The following CDH9 variants were observed in gnomAD, a reference collection of about 807,000 sequenced individuals.
The protein encoded by CDH9 is cadherin-9.
In CDH9, 28 loss-of-function variants were observed where a neutral mutation model predicts 70.9. The ratio of observed to expected loss-of-function variants is 0.40; its 90% CI spans 0.29 to 0.54. The LOEUF (loss-of-function observed/expected upper bound fraction) is 0.54, where lower values mean the gene tolerates loss of function less well. CDH9 is among the 20% of genes least tolerant of loss of function. The pLI is 0.59. For synonymous variants in CDH9, 409 were observed against 343.1 expected (o/e 1.19, Z -2.12); for missense variants, 874 against 984.4 (o/e 0.89, Z 1.50).
At chr5:26,901,131 T>A (rs1740847806) in intron 7 of CDH9, among the ~76,000 whole-genome samples, 1 of 152,014 alleles carries the variant, frequency 6.6e-6, no homozygotes, top group Admixed American at 6.6e-5. Context: ...ATGAACATTT[T>A]AATTAAGCAT....
In CDH9 at chr5:27,028,594, G is replaced by A. The variant is rs188005123; in HGVS notation, c.-50+9869C>T. On this transcript the variant is annotated intron_variant, in intron 1 of 11. Coordinates refer to ENST00000231021, the MANE Select transcript of CDH9 (RefSeq NM_016279.4). ...GTCTTTTCCACAAAGTGTGGTATCT[G>A]TTTTGACGAGAGTGATTTTCACTAG... is the stretch of plus-strand genomic sequence containing the variant. 6.8e-4 allele frequency among the ~76,000 whole-genome samples: 103 copies of A among 152,084 alleles called. 1 individual carries two copies. The highest frequency in any genetic ancestry group is 2.4e-3 in the African/African-American group (100 of 41,530).
intron 1 of CDH9, among the ~76,000 whole-genome samples, chr5:26,997,794 G>A (rs1296278715): frequency 6.6e-6 from 1 of 150,678 alleles, no homozygotes; most frequent in Non-Finnish European, 1.5e-5. Flanking sequence ...CTGCCTCCTG[G>A]GTTCAAGCGA....
chr5:26,952,347 G>T (rs1329179327), intron 2 of CDH9, among the ~76,000 whole-genome samples: 1 of 144,956 alleles, frequency 6.9e-6, no homozygotes, highest in Non-Finnish European at 1.5e-5. Flanking sequence ...GGGCGTCTTG[G>T]CTCACGCCTG....
chr5:26,902,942 A>T (rs1740882666), intron 6 of CDH9: 1 of 446,738 alleles, frequency 2.2e-6, no homozygotes, highest in South Asian at 3.5e-5. Flanking sequence ...TGGCATACAC[A>T]TTGAGATTGA....
In CDH9 at chr5:27,026,676, G is replaced by T. The variant is rs188575054; in HGVS notation, c.-50+11787C>A. ...ATAGTAAAGTTTGAACAAACATTTGGTGCTAATGCTTGACTATAGAAAAAA... is the reference window on the plus strand; with the variant it reads ...ATAGTAAAGTTTGAACAAACATTTGTTGCTAATGCTTGACTATAGAAAAAA... On this transcript the variant is annotated intron_variant, in intron 1 of 11. Transcript: ENST00000231021. Among the ~76,000 whole-genome samples the T allele has an allele frequency of 2.6e-4, 40 of 151,890 alleles. No homozygotes were observed. The East Asian group carries it at 6.0e-3, about 23-fold the overall frequency.
rs528325434 is a variant in CDH9, at chr5:26,952,493, G to A, written c.228+35613C>T. Among the ~76,000 whole-genome samples, 483 of 136,878 alleles carry A rather than the reference G, an allele frequency of 3.5e-3. 6 individuals carry two copies. The highest frequency in any genetic ancestry group is 0.012 in the African/African-American group (452 of 36,930). The allele number at this position is 136,878 out of a possible 152,430, so 89.8% of individuals were successfully genotyped here. On this transcript the variant is annotated intron_variant, in intron 2 of 11. Coordinates refer to ENST00000231021, the MANE Select transcript of CDH9 (RefSeq NM_016279.4). ...AAAAAAAAAAAAAAAAAAAAAGCCG[G>A]GCGTGGTGGGAGGCGCCTGTGGTCC...
chr5:26,992,580 C>A (rs1359207336), intron 1 of CDH9, among the ~76,000 whole-genome samples: 4 of 152,094 alleles, frequency 2.6e-5, no homozygotes, highest in Non-Finnish European at 5.9e-5. Context: ...GTTATGGCAG[C>A]ACAAACTAAG....
At position 26,885,956 on chromosome 5, in the gene CDH9, T is replaced by G; in HGVS notation, c.1630+10A>C. ...TTTCATAATTTTTAGTTTTAGAAAT[T>G]TTCTTATACCTTTATTATCTACAAT... On this transcript the variant is annotated intron_variant, in intron 10 of 11. Coordinates refer to ENST00000231021, the MANE Select transcript of CDH9 (RefSeq NM_016279.4). The G allele has an allele frequency of 6.3e-7, 1 of 1,589,978 alleles. No homozygotes were observed. The highest frequency in any genetic ancestry group is 8.5e-7 in the Non-Finnish European group (1 of 1,170,988).
intron 1 of CDH9, among the ~76,000 whole-genome samples, chr5:27,034,824 T>G (rs1743364733): frequency 6.6e-6 from 1 of 151,674 alleles, no homozygotes; most frequent in Admixed American, 6.6e-5. Context: ...ATAAGTGCAT[T>G]AACATGTTAG....
intron 3 of CDH9, among the ~76,000 whole-genome samples, chr5:26,914,888 C>T (rs1741121398): frequency 6.6e-6 from 1 of 151,932 alleles, no homozygotes; most frequent in South Asian, 2.1e-4. Flanking sequence ...TGATGTGAAT[C>T]AGTTCTCATT....
intron 3 of CDH9, among the ~76,000 whole-genome samples, chr5:26,912,748 A>G (rs937424715): frequency 1.3e-5 from 2 of 152,116 alleles, no homozygotes; most frequent in Admixed American, 1.3e-4. Flanking sequence ...AAGGCATAAA[A>G]TTGTCCAGCT....
At chr5:26,898,313 G>GA (rs1740789383) in intron 7 of CDH9, among the ~76,000 whole-genome samples, 1 of 152,180 alleles carries the variant, frequency 6.6e-6, no homozygotes, top group East Asian at 1.9e-4. Context: ...CACAGAATTA[G>GA]AAAAAACTAG....
rs561153367 is a variant in CDH9 at position 27,020,604 on chromosome 5, T to C, written c.-50+17859A>G. Among the ~76,000 whole-genome samples the C allele has an allele frequency of 7.6e-4, 116 of 151,756 alleles. 1 individual carries two copies. The highest frequency in any genetic ancestry group is 6.8e-3 in the Middle Eastern group (2 of 294). ...TTATTTTGTGCATATTATTGTTAAT[T>C]ATATATTTTTTAAGAAAGTTGCACA... On this transcript the variant is annotated intron_variant, in intron 1 of 11. Transcript: ENST00000231021.
chr5:27,029,598 A>C (rs1159857355), intron 1 of CDH9, among the ~76,000 whole-genome samples: 1 of 152,048 alleles, frequency 6.6e-6, no homozygotes, highest in African/African-American at 2.4e-5. Flanking sequence ...ATCACAGCAC[A>C]GTACCTAAGA....
intron 1 of CDH9, among the ~76,000 whole-genome samples, chr5:27,004,558 C>A (rs902812557): frequency 6.6e-6 from 1 of 151,946 alleles, no homozygotes; most frequent in Non-Finnish European, 1.5e-5. Flanking sequence ...TTGAAATATC[C>A]TGGTCAACAA....
rs369449023 is a variant in CDH9 at position 26,961,012 on chromosome 5, AAGTAG to A, written c.228+27089_228+27093del. The stretch of plus-strand genomic sequence containing the variant: ...AGATAACTTGATTTCAATGGCTGGA[AAGTAG>A]AGTCCTTCCTCTCTTCTTGCTCCTT... On this transcript the variant is annotated intron_variant, in intron 2 of 11. Coordinates refer to ENST00000231021, the MANE Select transcript of CDH9 (RefSeq NM_016279.4). Among the ~76,000 whole-genome samples the A allele has an allele frequency of 9.1e-3, 1,389 of 152,082 alleles. 15 individuals carry two copies. The highest frequency in any genetic ancestry group is 0.012 in the Non-Finnish European group (783 of 67,900).
intron 1 of CDH9, among the ~76,000 whole-genome samples, chr5:26,993,441 A>G (rs1006157953): frequency 2.6e-5 from 4 of 152,162 alleles, no homozygotes; most frequent in Non-Finnish European, 5.9e-5. Flanking sequence ...CAAGAATAAA[A>G]CAAAGTTTAA....
chr5:26,960,202 T>C (rs1255798339), intron 2 of CDH9, among the ~76,000 whole-genome samples: 1 of 152,018 alleles, frequency 6.6e-6, no homozygotes, highest in African/African-American at 2.4e-5. Context: ...ATAGACTTTC[T>C]AGCAATGACC....
chr5:26,885,619 A>C lies in CDH9; in HGVS notation c.1877T>G (p.Leu626Arg). 2.5e-6 allele frequency: 4 copies of C among 1,612,902 alleles called. No individual in the cohort carries two copies. The highest frequency in any genetic ancestry group is 2.5e-6 in the Non-Finnish European group (3 of 1,179,678). Residue 626 changes from leucine to arginine, a missense_variant, in exon 11 of 12, where the codon CTG becomes CGG. By Grantham distance (102) the Leu-to-Arg change is moderately radical. Transcript: ENST00000231021. Reference sequence around the variant, plus strand: ...TTCAGAGGGGCAGAGCTTACTAAGCAGTATGAGGACACAGAGTAGAATCGC... The same window carrying C: ...TTCAGAGGGGCAGAGCTTACTAAGCCGTATGAGGACACAGAGTAGAATCGC... ...LVAILLCVLI[L>R]LILVVLFAAL... is the part of the protein sequence containing the mutation.
Sources: allele counts gnomAD v4.1 joint callset (sites outside exome capture counted in the v4.1 genomes callset), GRCh38; gene constraint gnomAD v4.1.1; transcripts MANE v1.5; gene names NCBI Gene and HGNC (gene_info 2026-07-23, HGNC 2026-07-21).